The following PSMF1 variants were observed in gnomAD, a reference collection of about 807,000 sequenced individuals.
PSMF1 encodes proteasome inhibitor subunit 1, also known as proteasome inhibitor PI31 subunit.
A neutral mutation model predicts 29.3 loss-of-function variants in PSMF1; 30 were observed. That is an observed-to-expected ratio of 1.02 (90% confidence interval 0.77 to 1.39). The LOEUF (loss-of-function observed/expected upper bound fraction) is 1.39, where lower values mean the gene tolerates loss of function less well. Among genes scored for constraint, PSMF1 ranks in the 40% most tolerant of loss-of-function variants. The pLI is 0.00. For missense variants in PSMF1, 344 were observed against 357.5 expected, an observed-to-expected ratio of 0.96 and a Z score of 0.31; for synonymous variants, 134 against 139.7, an observed-to-expected ratio of 0.96 and a Z score of 0.29.
intron 1 of PSMF1, among the ~76,000 whole-genome samples, chr20:1,120,218 C>T (rs185065397): frequency 1.3e-5 from 2 of 152,094 alleles, no homozygotes; most frequent in African/African-American, 4.8e-5. Flanking sequence ...TTCCCCAGAC[C>T]TCAATTATCT....
chr20:1,171,792 G>A lies in PSMF1; in HGVS notation c.*6712G>A, dbSNP rs2086792849. ...TTGGGGACAGACAGGCATCCTGAGA[G>A]GAGGGGGCCTGGACCTAGGTGTCTT... On this transcript the variant is annotated 3_prime_UTR_variant, in exon 7 of 7. Coordinates refer to ENST00000335877, the MANE Select transcript of PSMF1 (RefSeq NM_006814.5). Among the ~76,000 whole-genome samples the A allele has an allele frequency of 6.6e-6, 1 of 152,216 alleles. No individual in the cohort carries two copies. Among genetic ancestry groups the A allele is most frequent in the Non-Finnish European group, 1.5e-5 (1 of 68,034 alleles).
At chr20:1,127,079 C>A (rs1043272716) in intron 2 of PSMF1, among the ~76,000 whole-genome samples, 2 of 152,128 alleles carry the variant, frequency 1.3e-5, no homozygotes, top group Admixed American at 1.3e-4. Context: ...CTCTGTGCTA[C>A]CCTCATTAGC....
intron 4 of PSMF1, among the ~76,000 whole-genome samples, chr20:1,155,615 A>G (rs2086585448): frequency 6.6e-6 from 1 of 152,216 alleles, no homozygotes; most frequent in Non-Finnish European, 1.5e-5. Flanking sequence ...TTATGGCCTT[A>G]CCTGCAGCTG....
intron 4 of PSMF1, among the ~76,000 whole-genome samples, chr20:1,148,684 A>T (rs2086487420): frequency 6.6e-6 from 1 of 152,192 alleles, no homozygotes; most frequent in African/African-American, 2.4e-5. Context: ...TATGGTTTAT[A>T]TAACTTCTAT....
In PSMF1 at chr20:1,165,773, C is replaced by G; in HGVS notation, c.*693C>G. ...GATGAGGCAAAATCCTCCAGCTATT[C>G]CTGTCTGGGCCAGTTTTGTAGGTCC... On this transcript the variant is annotated 3_prime_UTR_variant, in exon 7 of 7. Transcript: ENST00000335877. 1 of 1,023,774 alleles carries G rather than the reference C, an allele frequency of 9.8e-7. No individual in the cohort carries two copies. Among genetic ancestry groups the G allele is most frequent in the Non-Finnish European group, 1.2e-6 (1 of 852,360 alleles). The allele number at this position is 1,023,774 out of a possible 1,614,324, so 63.4% of individuals were successfully genotyped here. A position where few individuals can be genotyped will look rare whatever the true frequency, so the allele number is the denominator to read the frequency against.
chr20:1,135,960 C>CAT (rs1460942534), intron 4 of PSMF1, among the ~76,000 whole-genome samples: 1 of 152,178 alleles, frequency 6.6e-6, no homozygotes, highest in Non-Finnish European at 1.5e-5. Context: ...ACTGTGATAC[C>CAT]ATACTGTTGG....
At position 1,169,798 on chromosome 20, in the gene PSMF1, C is replaced by T. The variant is rs2086771818; in HGVS notation, c.*4718C>T. ...CTGGTTGTTGGAACCTACATGGCCT[C>T]TCAAATGGTACTGGCATGGAATATT... is the stretch of plus-strand genomic sequence containing the variant. On this transcript the variant is annotated 3_prime_UTR_variant, in exon 7 of 7. Coordinates refer to ENST00000335877, the MANE Select transcript of PSMF1 (RefSeq NM_006814.5). 6.6e-6 allele frequency among the ~76,000 whole-genome samples: 1 copy of T among 152,216 alleles called. No homozygotes were observed. The highest frequency in any genetic ancestry group is 1.5e-5 in the Non-Finnish European group (1 of 68,046).
In PSMF1 at chr20:1,165,421, A is replaced by G. The variant is rs1461541405; in HGVS notation, c.*341A>G. 5 of 1,131,494 alleles carry G rather than the reference A, an allele frequency of 4.4e-6. No homozygotes were observed. In the Admixed American group the frequency reaches 1.4e-4, roughly 31 times the overall value. The allele number at this position is 1,131,494 out of a possible 1,614,324, so 70.1% of individuals were successfully genotyped here. A position where few individuals can be genotyped will look rare whatever the true frequency, so the allele number is the denominator to read the frequency against. ...ATGCAGTGCTATAAGAACAGAACGCATTTTGGATGTTATTATTAAGAACCA... is the reference window on the plus strand; with the variant it reads ...ATGCAGTGCTATAAGAACAGAACGCGTTTTGGATGTTATTATTAAGAACCA... On this transcript the variant is annotated 3_prime_UTR_variant, in exon 7 of 7. Transcript: ENST00000335877.
intron 4 of PSMF1, among the ~76,000 whole-genome samples, chr20:1,142,010 G>C (rs2086386790): frequency 6.6e-6 from 1 of 152,178 alleles, no homozygotes; most frequent in African/African-American, 2.4e-5. Context: ...CTGAGGTCAG[G>C]AGTTCGAGAC....
chr20:1,133,968 T>C (rs745983246), intron 3 of PSMF1, among the ~76,000 whole-genome samples: 2 of 126,428 alleles, frequency 1.6e-5, no homozygotes, highest in Non-Finnish European at 3.4e-5. Flanking sequence ...TCCTGTTTCG[T>C]TCTTGTTATT....
At chr20:1,135,066 C>T in intron 3 of PSMF1, 55 bp from the exon 4 acceptor site, 1 of 1,588,562 alleles carries the variant, frequency 6.3e-7, no homozygotes. Flanking sequence ...CAGAATACCA[C>T]TTCCAGGGTT....
intron 4 of PSMF1, among the ~76,000 whole-genome samples, chr20:1,158,094 G>A (rs900278899): frequency 6.6e-6 from 1 of 152,058 alleles, no homozygotes; most frequent in African/African-American, 2.4e-5. Context: ...TGGAATTATT[G>A]TGTCTCCTGG....
At chr20:1,134,939 C>G (rs1190686262) in intron 3 of PSMF1, 182 bp from the exon 4 acceptor site, 2 of 699,460 alleles carry the variant, frequency 2.9e-6, no homozygotes, top group Non-Finnish European at 5.2e-6. Flanking sequence ...TCAGAGACAG[C>G]GTGGGGCTGT....
upstream of PSMF1, among the ~76,000 whole-genome samples, chr20:1,115,571 T>C (rs1394606304): frequency 2.0e-5 from 3 of 152,166 alleles, no homozygotes; most frequent in African/African-American, 7.2e-5. Flanking sequence ...AGCCCACTGA[T>C]GCCAAGCACA....
At position 1,170,231 on chromosome 20, in the gene PSMF1, A is replaced by G. The variant is rs2086776763; in HGVS notation, c.*5151A>G. On this transcript the variant is annotated 3_prime_UTR_variant, in exon 7 of 7. Coordinates refer to ENST00000335877, the MANE Select transcript of PSMF1 (RefSeq NM_006814.5). The stretch of plus-strand genomic sequence containing the variant: ...TTGAATGAGAATCTGCATTTTAACA[A>G]GTTCTCCATGAGATTTGTGTAAACT... Among the ~76,000 whole-genome samples, 1 of 152,224 alleles carries G rather than the reference A, an allele frequency of 6.6e-6. No homozygotes were observed.
chr20:1,156,834 G>C (rs909166002), intron 4 of PSMF1, among the ~76,000 whole-genome samples: 1 of 152,190 alleles, frequency 6.6e-6, no homozygotes, highest in African/African-American at 2.4e-5. Flanking sequence ...TAAAAGAAGA[G>C]TGGTAGAAAT....
In PSMF1 at chr20:1,166,466, G is replaced by C. The variant is rs752998205; in HGVS notation, c.*1386G>C. ...TGTAGCTCTTCTGAGGTATCTGCCA[G>C]GCTGTTTTCTGTAGCCTCAGATTGC... On this transcript the variant is annotated 3_prime_UTR_variant, in exon 7 of 7. Transcript: ENST00000335877. The C allele has an allele frequency of 3.3e-6, 2 of 608,832 alleles. No individual in the cohort carries two copies. Among genetic ancestry groups the C allele is most frequent in the Non-Finnish European group, 5.8e-6 (2 of 343,744 alleles). 37.7% of individuals were successfully genotyped at this position (608,832 alleles called of 1,614,324 possible).
intron 4 of PSMF1, among the ~76,000 whole-genome samples, chr20:1,146,171 A>C (rs1299581950): frequency 1.3e-5 from 2 of 152,118 alleles, no homozygotes; most frequent in Non-Finnish European, 2.9e-5. Flanking sequence ...GAGATACTTC[A>C]TGAGTATCCT....
At chr20:1,157,104 A>T (rs2086603793) in intron 4 of PSMF1, among the ~76,000 whole-genome samples, 1 of 152,210 alleles carries the variant, frequency 6.6e-6, no homozygotes, top group Non-Finnish European at 1.5e-5. Context: ...GCAACACAGG[A>T]GAAAGATGTA....
Sources: allele counts gnomAD v4.1 joint callset (sites outside exome capture counted in the v4.1 genomes callset), GRCh38; gene constraint gnomAD v4.1.1; transcripts MANE v1.5; gene names NCBI Gene and HGNC (gene_info 2026-07-23, HGNC 2026-07-21).